DLG2: variants seen among roughly 807,000 people sequenced by gnomAD.
DLG2 encodes the protein discs large MAGUK scaffold protein 2.
Under a neutral mutation model 132.5 loss-of-function variants are expected in DLG2, and 45 were observed. The observed-to-expected ratio is 0.34, with a 90% CI of 0.27 to 0.44. DLG2 has a LOEUF of 0.44. DLG2 is among the 20% of genes least tolerant of loss of function. The probability of loss-of-function intolerance (pLI) is 1.00; values close to 1 mark genes in which losing one functional copy is unlikely to be tolerated. For synonymous variants in DLG2, 424 were observed against 419.6 expected (o/e 1.01, Z -0.13); for missense variants, 1,045 against 1,196.9 (o/e 0.87, Z 1.87).
At chr11:83,614,227 T>TAAA (rs1410401669) in intron 19 of DLG2, among the ~76,000 whole-genome samples, 1 of 152,212 alleles carries the variant, frequency 6.6e-6, no homozygotes. Flanking sequence ...TGAGTACTTT[T>TAAA]ATCCTTGTAT....
At chr11:85,399,035 T>C (rs1016076105) in intron 3 of DLG2, among the ~76,000 whole-genome samples, 2 of 152,084 alleles carry the variant, frequency 1.3e-5, no homozygotes, top group Non-Finnish European at 2.9e-5. Context: ...AAAACCCCAT[T>C]GTCTCAGCCC....
At chr11:84,155,491 G>C (rs1335347662) in intron 9 of DLG2, among the ~76,000 whole-genome samples, 1 of 151,084 alleles carries the variant, frequency 6.6e-6, no homozygotes, top group African/African-American at 2.4e-5. Flanking sequence ...GTTACTTCAG[G>C]CTGACCCTAC....
chr11:85,515,282 A>G (rs1185568265), intron 3 of DLG2, among the ~76,000 whole-genome samples: 1 of 151,938 alleles, frequency 6.6e-6, no homozygotes, highest in Non-Finnish European at 1.5e-5. Context: ...ATGGAATATG[A>G]GTTCTCTAAC....
intron 7 of DLG2, among the ~76,000 whole-genome samples, chr11:84,529,487 T>A (rs2099330087): frequency 6.6e-6 from 1 of 152,136 alleles, no homozygotes; most frequent in Non-Finnish European, 1.5e-5. Flanking sequence ...GAAGTATTCC[T>A]ATCTACCAAC....
At chr11:84,731,016 A>T (rs2063088617) in intron 6 of DLG2, among the ~76,000 whole-genome samples, 2 of 152,056 alleles carry the variant, frequency 1.3e-5, no homozygotes, top group African/African-American at 4.8e-5. Flanking sequence ...GCCCACCTAG[A>T]TTCTTATGTC....
chr11:85,503,536 T>C (rs1410927304), intron 3 of DLG2, among the ~76,000 whole-genome samples: 1 of 152,102 alleles, frequency 6.6e-6, no homozygotes, highest in Admixed American at 6.6e-5. Context: ...AGTAGGGTTT[T>C]TAAAAGGTGA....
intron 6 of DLG2, chr11:85,020,929 C>A (rs2060006363): frequency 2.6e-6 from 2 of 771,712 alleles, no homozygotes; most frequent in Non-Finnish European, 4.8e-6. Context: ...TCTGCACCGC[C>A]CTCAGACTCC....
intron 6 of DLG2, among the ~76,000 whole-genome samples, chr11:84,678,686 T>C (rs1358371891): frequency 6.6e-6 from 1 of 152,084 alleles, no homozygotes; most frequent in Non-Finnish European, 1.5e-5. Context: ...GCTCAACAGC[T>C]AGCCAGCTTC....
chr11:84,948,059 T>G (rs576599836), intron 6 of DLG2, among the ~76,000 whole-genome samples: 2 of 152,166 alleles, frequency 1.3e-5, no homozygotes, highest in South Asian at 2.1e-4. Flanking sequence ...TGTATCAGAG[T>G]TTTTCTGATG....
intron 19 of DLG2, among the ~76,000 whole-genome samples, chr11:83,610,619 T>C (rs1207823108): frequency 2.6e-5 from 4 of 152,098 alleles, no homozygotes; most frequent in African/African-American, 9.7e-5. Flanking sequence ...TGCCTAGAAG[T>C]GTGTCAAGCA....
At chr11:84,202,761 C>T (rs541054549) in intron 8 of DLG2, among the ~76,000 whole-genome samples, 5 of 152,042 alleles carry the variant, frequency 3.3e-5, no homozygotes, top group East Asian at 3.9e-4. Context: ...GGAACTCAAA[C>T]ATTACACACA....
intron 6 of DLG2, among the ~76,000 whole-genome samples, chr11:84,867,646 C>T (rs1338077402): frequency 6.6e-6 from 1 of 152,148 alleles, no homozygotes; most frequent in Non-Finnish European, 1.5e-5. Context: ...ATAATACGGC[C>T]ACTTAGTAGA....
chr11:83,858,386 A>G (rs59210993), intron 16 of DLG2, among the ~76,000 whole-genome samples: 1,612 of 152,258 alleles, frequency 0.011, 30 homozygotes, highest in African/African-American at 0.037. Context: ...TTCTGGCAAA[A>G]TAAGTCAAAA....
intron 4 of DLG2, among the ~76,000 whole-genome samples, chr11:85,204,700 T>C (rs1277412115): frequency 1.3e-5 from 2 of 151,774 alleles, no homozygotes; most frequent in Non-Finnish European, 2.9e-5. Context: ...AAAATTTGTA[T>C]GGACACAAAG....
intron 17 of DLG2, among the ~76,000 whole-genome samples, chr11:83,827,902 C>T (rs1389817949): frequency 1.3e-5 from 2 of 152,136 alleles, no homozygotes; most frequent in Admixed American, 1.3e-4. Flanking sequence ...TTACTGAATT[C>T]CGTTCTGCAA....
chr11:83,555,535 A>G (rs940021363), intron 19 of DLG2, among the ~76,000 whole-genome samples: 1 of 152,150 alleles, frequency 6.6e-6, no homozygotes, highest in East Asian at 1.9e-4. Context: ...TTTGGCCAAT[A>G]CCTATCTGTT....
At chr11:84,290,627 T>G (rs574962676) in intron 7 of DLG2, among the ~76,000 whole-genome samples, 1 of 152,250 alleles carries the variant, frequency 6.6e-6, no homozygotes, top group East Asian at 1.9e-4. Flanking sequence ...TTTCATAAAG[T>G]AACCCTGTGA....
At chr11:85,067,222 G>T (rs994325422) in intron 6 of DLG2, among the ~76,000 whole-genome samples, 3 of 151,684 alleles carry the variant, frequency 2.0e-5, no homozygotes, top group Non-Finnish European at 4.4e-5. Context: ...GCGTCTATTT[G>T]ATTCTTCTCT....
intron 6 of DLG2, among the ~76,000 whole-genome samples, chr11:84,825,099 C>T (rs1222329358): frequency 6.6e-6 from 1 of 151,828 alleles, no homozygotes; most frequent in Non-Finnish European, 1.5e-5. Flanking sequence ...GAGAGACAGT[C>T]TCCGGGAAGA....
Sources: allele counts gnomAD v4.1 joint callset (sites outside exome capture counted in the v4.1 genomes callset), GRCh38; gene constraint gnomAD v4.1.1; transcripts MANE v1.5; gene names NCBI Gene and HGNC (gene_info 2026-07-23, HGNC 2026-07-21).